MOBP: variants seen among roughly 807,000 people sequenced by gnomAD.
MOBP encodes the protein myelin associated oligodendrocyte basic protein.
Under a neutral mutation model 15.0 loss-of-function variants are expected in MOBP, and 5 were observed. The observed-to-expected ratio is 0.33, with a 90% CI of 0.17 to 0.70. The LOEUF (loss-of-function observed/expected upper bound fraction) is 0.70, where lower values mean the gene tolerates loss of function less well. MOBP is among the 30% of genes least tolerant of loss of function. The pLI is 0.67. For missense variants in MOBP, 188 were observed against 257.8 expected, an observed-to-expected ratio of 0.73 and a Z score of 1.85; for synonymous variants, 88 against 99.0, an observed-to-expected ratio of 0.89 and a Z score of 0.66.
rs765722246 is a variant in MOBP, at chr3:39,499,656, A to G, written c.-4-2410A>G. The stretch of plus-strand genomic sequence containing the variant: ...TGGATGTCCTTGGCTCTTTAAACTC[A>G]TTGTGTCTCAGACCCATGAGATGAT... On this transcript the variant is annotated intron_variant, in intron 2 of 3. Transcript: ENST00000684792. 6.4e-5 allele frequency: 11 copies of G among 172,082 alleles called. 1 individual carries two copies. The highest frequency in any genetic ancestry group is 1.1e-4 in the Non-Finnish European group (9 of 81,290). The allele number at this position is 172,082 out of a possible 1,614,324, so 10.7% of individuals were successfully genotyped here.
downstream of MOBP, chr3:39,517,929 A>G (rs2043223032): frequency 6.6e-6 from 1 of 152,262 alleles, no homozygotes; most frequent in Non-Finnish European, 1.5e-5. Context: ...CATATAAACG[A>G]CATTGGTAAA....
chr3:39,502,006 G>T lies in MOBP; in HGVS notation c.-4-60G>T. 1 of 1,421,268 alleles carries T rather than the reference G, an allele frequency of 7.0e-7. No homozygotes were observed. The highest frequency in any genetic ancestry group is 1.2e-5 in the South Asian group (1 of 85,844). 88.0% of individuals were successfully genotyped at this position (1,421,268 alleles called of 1,614,324 possible). A position where few individuals can be genotyped will look rare whatever the true frequency, so the allele number is the denominator to read the frequency against. On this transcript the variant is annotated intron_variant, in intron 2 of 3. Transcript: ENST00000684792. This position sits in a 1 kb window ranked among gnomAD's most constrained non-coding sequence, Gnocchi z 6.3. ...TAGCAGGGGGCTTCCAGAGTAGAGG[G>T]CTCCCTTTCCTGATGTGCGTTTATG...
chr3:39,487,531 T>C (rs532560489), intron 2 of MOBP, among the ~76,000 whole-genome samples: 1 of 144,564 alleles, frequency 6.9e-6, no homozygotes, highest in South Asian at 2.3e-4. Context: ...TTTTTTTTTT[T>C]TTTTTTTTTT....
intron 4 of MOBP, among the ~76,000 whole-genome samples, chr3:39,513,117 C>T (rs529225427): frequency 1.8e-4 from 27 of 152,176 alleles, no homozygotes; most frequent in African/African-American, 6.0e-4. Flanking sequence ...AAATTATCTA[C>T]AATGATTAAC....
At chr3:39,481,042 C>G (rs899832984) in intron 2 of MOBP, among the ~76,000 whole-genome samples, 4 of 152,212 alleles carry the variant, frequency 2.6e-5, no homozygotes, top group African/African-American at 9.7e-5. Context: ...CTTCTATTTT[C>G]TTCACATTAC....
At chr3:39,486,961 G>A in intron 2 of MOBP, among the ~76,000 whole-genome samples, 1 of 146,206 alleles carries the variant, frequency 6.8e-6, no homozygotes, top group East Asian at 2.1e-4. Flanking sequence ...TGTTTTTAGA[G>A]ACAGGGTCTG....
chr3:39,488,960 A>C (rs186217707), intron 2 of MOBP, among the ~76,000 whole-genome samples: 1 of 152,134 alleles, frequency 6.6e-6, no homozygotes. Context: ...TTTAGTGAAG[A>C]TCTTTCAACA....
At chr3:39,513,133 A>T (rs1411317029) in intron 4 of MOBP, among the ~76,000 whole-genome samples, 2 of 152,248 alleles carry the variant, frequency 1.3e-5, no homozygotes, top group African/African-American at 4.8e-5. Flanking sequence ...TTAACCAGAA[A>T]AGCAATAATT....
chr3:39,513,200 A>C (rs2043143195), intron 4 of MOBP, among the ~76,000 whole-genome samples: 1 of 152,246 alleles, frequency 6.6e-6, no homozygotes, highest in Non-Finnish European at 1.5e-5. Context: ...GGCCAAGAAA[A>C]AAATATCATA....
downstream of MOBP, among the ~76,000 whole-genome samples, chr3:39,518,325 G>A (rs1451442653): frequency 6.6e-6 from 1 of 152,234 alleles, no homozygotes; most frequent in South Asian, 2.1e-4. Flanking sequence ...AGTTTCCTAA[G>A]TTTCTTCAGC....
downstream of MOBP, among the ~76,000 whole-genome samples, chr3:39,504,768 A>G (rs1400888728): frequency 6.6e-6 from 1 of 152,206 alleles, no homozygotes; most frequent in African/African-American, 2.4e-5. Flanking sequence ...ATTTTGAATC[A>G]AAGGAGTGGG....
At chr3:39,525,831 C>T (rs995521885), downstream of MOBP, 4 of 152,516 alleles carry the variant, frequency 2.6e-5, no homozygotes, top group African/African-American at 9.7e-5. Context: ...GCCCTGGCTT[C>T]CTCACTTGGG....
At position 39,511,306 on chromosome 3, in the gene MOBP, A is replaced by G. The variant is rs370658424; in HGVS notation, c.*-2077A>G. Among the ~76,000 whole-genome samples the G allele has an allele frequency of 6.2e-4, 94 of 152,324 alleles. 2 individuals carry two copies. In the South Asian group the frequency reaches 0.018, roughly 30 times the overall value. On this transcript the variant is annotated intron_variant, in intron 4 of 4. Transcript: ENST00000311042. ...CCATGTGTGGACCAAAGACTATGGC[A>G]CTTTCTTCTCAAACCCTACATGGCC... is the stretch of plus-strand genomic sequence containing the variant.
intron 2 of MOBP, among the ~76,000 whole-genome samples, chr3:39,488,787 G>C (rs1222290927): frequency 6.6e-6 from 1 of 152,090 alleles, no homozygotes; most frequent in Non-Finnish European, 1.5e-5. Context: ...GTCCTCATGT[G>C]CTATTAATTT....
intron 4 of MOBP, among the ~76,000 whole-genome samples, chr3:39,508,760 G>A (rs933301087): frequency 2.0e-5 from 3 of 152,040 alleles, no homozygotes; most frequent in Non-Finnish European, 4.4e-5. Flanking sequence ...TGTTGGTCAG[G>A]CTGGTCTTGA....
chr3:39,494,397 C>G (rs1237434325), intron 2 of MOBP, among the ~76,000 whole-genome samples: 1 of 152,048 alleles, frequency 6.6e-6, no homozygotes, highest in African/African-American at 2.4e-5. Context: ...ATGCTTACTT[C>G]ACTTTTCTCT....
rs60949098 is a variant in MOBP at position 39,486,928 on chromosome 3, CTTT to C, written c.-5+6819_-5+6821del. Among the ~76,000 whole-genome samples the C allele has an allele frequency of 2.6e-3, 359 of 138,924 alleles. 3 individuals are homozygous for C. The highest frequency in any genetic ancestry group is 8.8e-3 in the African/African-American group (335 of 38,054). The allele number at this position is 138,924 out of a possible 152,430, so 91.1% of individuals were successfully genotyped here. On this transcript the variant is annotated intron_variant, in intron 2 of 3. Coordinates refer to ENST00000684792, the MANE Select transcript of MOBP (RefSeq NM_001393704.1). ...TATTGTGTCTTTTGATGTACAGTAG[CTTT>C]TTTTTTTTTTTTTAACTTCTGTTTT...
exon 5 of MOBP, chr3:39,514,745 C>G (rs866706499): frequency 6.6e-6 from 1 of 152,390 alleles, no homozygotes; most frequent in Non-Finnish European, 1.5e-5. Context: ...CATCTCTTCT[C>G]TCTGTTTTTC....
At chr3:39,512,462 A>G (rs1388445690) in intron 4 of MOBP, among the ~76,000 whole-genome samples, 2 of 152,130 alleles carry the variant, frequency 1.3e-5, no homozygotes, top group African/African-American at 2.4e-5. Context: ...TCAGGCTACA[A>G]TTCACTCTAC....
Sources: gnomAD v4.1 joint callset for allele counts (sites outside exome capture counted in the v4.1 genomes callset) on GRCh38, gnomAD v4.1.1 for gene constraint, Gnocchi (gnomAD v3.1) non-coding constraint, MANE v1.5 for transcripts, NCBI Gene and HGNC (gene_info 2026-07-23, HGNC 2026-07-21) for gene names.